MAML3: variants seen among roughly 807,000 people sequenced by gnomAD.
MAML3 encodes mastermind-like protein 3.
In MAML3, 27 loss-of-function variants were observed where a neutral mutation model predicts 101.9. That is an observed-to-expected ratio of 0.27 (90% CI 0.20 to 0.37). The LOEUF is 0.37. Among genes scored for constraint, MAML3 ranks in the 10% least tolerant of loss-of-function variants. MAML3 has a pLI of 1.00. For missense variants in MAML3, 1,316 were observed against 1,444.9 expected (o/e 0.91, Z 1.45); for synonymous variants, 501 against 555.9 (o/e 0.90, Z 1.39).
intron 2 of MAML3, among the ~76,000 whole-genome samples, chr4:139,761,705 A>G (rs933815988): frequency 8.6e-5 from 13 of 151,970 alleles, no homozygotes; most frequent in African/African-American, 3.1e-4. Flanking sequence ...CTAGTGAGAA[A>G]CAGGCCCCTC....
intron 1 of MAML3, among the ~76,000 whole-genome samples, chr4:140,024,487 C>G (rs1344590830): frequency 6.6e-6 from 1 of 152,086 alleles, no homozygotes; most frequent in African/African-American, 2.4e-5. Flanking sequence ...CCTTGGCTCC[C>G]CAAAGTGCTG....
chr4:139,903,683 T>C (rs1311039559), intron 1 of MAML3, among the ~76,000 whole-genome samples: 1 of 152,212 alleles, frequency 6.6e-6, no homozygotes, highest in Non-Finnish European at 1.5e-5. Context: ...ATGACTGGTG[T>C]TCTTATAAGA....
intron 1 of MAML3, among the ~76,000 whole-genome samples, chr4:140,026,261 A>T (rs1379228547): frequency 6.6e-6 from 1 of 151,924 alleles, no homozygotes; most frequent in Non-Finnish European, 1.5e-5. Flanking sequence ...TTACTTACTT[A>T]TATATATTTT....
intron 1 of MAML3, among the ~76,000 whole-genome samples, chr4:139,924,838 A>T (rs539232417): frequency 6.6e-6 from 1 of 152,208 alleles, no homozygotes; most frequent in Non-Finnish European, 1.5e-5. Flanking sequence ...ATCTCATTTC[A>T]GTATTCATTT....
At chr4:140,093,483 C>T (rs1374005925) in intron 1 of MAML3, among the ~76,000 whole-genome samples, 2 of 146,048 alleles carry the variant, frequency 1.4e-5, no homozygotes, top group Admixed American at 7.1e-5. Flanking sequence ...GTGGCACTAT[C>T]TCGGCTCACT....
intron 2 of MAML3, among the ~76,000 whole-genome samples, chr4:139,752,769 T>C (rs1381096929): frequency 3.3e-5 from 5 of 152,024 alleles, no homozygotes; most frequent in East Asian, 1.9e-4. Context: ...AGCTGGATTA[T>C]AGAAGAAAAA....
At chr4:139,948,016 G>T (rs1468051139) in intron 1 of MAML3, among the ~76,000 whole-genome samples, 1 of 152,020 alleles carries the variant, frequency 6.6e-6, no homozygotes, top group East Asian at 1.9e-4. Context: ...CAGGAGAATC[G>T]CTTGAACCTG....
intron 1 of MAML3, among the ~76,000 whole-genome samples, chr4:139,989,880 C>CAGAGAGAGAG (rs1310864161): frequency 5.2e-5 from 3 of 58,116 alleles, no homozygotes. Context: ...CACACACACA[C>CAGAGAGAGAG]ACAGAGAGAG....
Position 139,943,731 on chromosome 4 carries a change from G to A in MAML3, c.469-52764C>T, listed in dbSNP as rs143418581. 1.6e-3 allele frequency among the ~76,000 whole-genome samples: 248 copies of A among 152,230 alleles called. 2 individuals are homozygous for A. The highest frequency in any genetic ancestry group is 3.4e-3 in the Middle Eastern group (1 of 294). ...TTACCTGTTTGGAATATGTACAATG[G>A]AGATCCTCTTGCAGTAGCAGATTTT... On this transcript the variant is annotated intron_variant, in intron 1 of 4. Coordinates refer to ENST00000509479, the MANE Select transcript of MAML3 (RefSeq NM_018717.5).
At chr4:140,025,469 G>C in intron 1 of MAML3, among the ~76,000 whole-genome samples, 1 of 152,088 alleles carries the variant, frequency 6.6e-6, no homozygotes, top group East Asian at 1.9e-4. Context: ...TCTTGATAAA[G>C]AATATGGAAA....
At chr4:140,011,138 C>CAT (rs1560865755) in intron 1 of MAML3, among the ~76,000 whole-genome samples, 1 of 112,822 alleles carries the variant, frequency 8.9e-6, no homozygotes, top group Non-Finnish European at 1.8e-5. Context: ...TATATATATA[C>CAT]ACATATGTCA....
intron 2 of MAML3, among the ~76,000 whole-genome samples, chr4:139,839,693 G>A (rs941714318): frequency 2.0e-5 from 3 of 152,134 alleles, no homozygotes; most frequent in African/African-American, 4.8e-5. Flanking sequence ...GGGCTCTCAA[G>A]GGATGGAAAC....
intron 2 of MAML3, among the ~76,000 whole-genome samples, chr4:139,855,599 A>G (rs1214935311): frequency 2.6e-5 from 4 of 152,150 alleles, no homozygotes; most frequent in Non-Finnish European, 5.9e-5. Context: ...GGAGTGAAAA[A>G]TATTCTGAAA....
chr4:139,725,661 T>C, intron 4 of MAML3, 90 bp downstream of exon 4: 2 of 1,262,752 alleles, frequency 1.6e-6, no homozygotes, highest in Non-Finnish European at 2.3e-6. Flanking sequence ...TGGACACAAA[T>C]ACAGCCAGTA....
In MAML3 at chr4:139,837,262, C is replaced by T. The variant is rs201360916; in HGVS notation, c.2079+52095G>A. ...CTGTAATCCCAGCACTTTGGGAGGC[C>T]GAGACGGGCGGATCACGAGGTCAGG... On this transcript the variant is annotated intron_variant, in intron 2 of 4. Coordinates refer to ENST00000509479, the MANE Select transcript of MAML3 (RefSeq NM_018717.5). Among the ~76,000 whole-genome samples, 65 of 152,078 alleles carry T rather than the reference C, an allele frequency of 4.3e-4. 1 individual carries two copies. In the East Asian group the frequency reaches 0.011, roughly 26 times the overall value.
chr4:139,890,913 C>T lies in MAML3; in HGVS notation c.523G>A (p.Asp175Asn), dbSNP rs1732482192. The change falls in exon 2 of 5, where the codon GAC becomes AAC. Residue 175 changes from aspartate (D) to asparagine (N), a missense_variant. Coordinates refer to ENST00000509479, the MANE Select transcript of MAML3 (RefSeq NM_018717.5). This position sits in a 1 kb window ranked among gnomAD's most constrained non-coding sequence, Gnocchi z 4.1. Reference protein sequence around the residue: ...LEGARSPLNGDQQNGACDGNF... With the variant: ...LEGARSPLNGNQQNGACDGNF... ...CCATCACAAGCACCATTCTGCTGGT[C>T]TCCATTAAGTGGTGATCGAGCTCCT... is the stretch of plus-strand genomic sequence containing the variant. The T allele has an allele frequency of 6.2e-7, 1 of 1,613,446 alleles. No individual in the cohort carries two copies. The highest frequency in any genetic ancestry group is 8.5e-7 in the Non-Finnish European group (1 of 1,179,668).
At chr4:139,837,551 A>G (rs1046378875) in intron 2 of MAML3, among the ~76,000 whole-genome samples, 2 of 152,110 alleles carry the variant, frequency 1.3e-5, no homozygotes, top group African/African-American at 4.8e-5. Context: ...CTTTTACCGC[A>G]AGAGCACAGT....
chr4:140,117,433 T>C (rs10018948), intron 1 of MAML3, among the ~76,000 whole-genome samples: 3 of 152,126 alleles, frequency 2.0e-5, no homozygotes, highest in Admixed American at 1.3e-4. Flanking sequence ...TCTAACTATA[T>C]AACTTTAAAA....
intron 1 of MAML3, among the ~76,000 whole-genome samples, chr4:140,039,546 G>A (rs769048234): frequency 3.9e-5 from 6 of 152,090 alleles, no homozygotes; most frequent in Non-Finnish European, 8.8e-5. Flanking sequence ...AGAGGCTTTC[G>A]TTATCTGCTC....
Sources: allele counts gnomAD v4.1 joint callset (sites outside exome capture counted in the v4.1 genomes callset), GRCh38; gene constraint gnomAD v4.1.1; non-coding constraint Gnocchi (gnomAD v3.1); transcripts MANE v1.5; gene names NCBI Gene and HGNC (gene_info 2026-07-23, HGNC 2026-07-21).